Variants in CELF2 observed in about 807,000 individuals in gnomAD.
CELF2 encodes CUGBP Elav-like family member 2, also known as CUG triplet repeat RNA-binding protein 2.
In CELF2, 8 loss-of-function variants were observed where a neutral mutation model predicts 62.6. The ratio of observed to expected loss-of-function variants is 0.13; its 90% CI spans 0.07 to 0.23. The LOEUF (loss-of-function observed/expected upper bound fraction) is 0.23. Ranked by LOEUF, CELF2 falls within the 10% of genes least tolerant of loss-of-function variation. CELF2 has a pLI of 1.00. For synonymous variants in CELF2, 258 were observed against 250.0 expected (o/e 1.03, Z -0.30); for missense variants, 333 against 671.0 (o/e 0.50, Z 5.56).
chr10:10,553,299 C>T, the CELF2 span, among the ~76,000 whole-genome samples: 9 of 152,096 alleles, frequency 5.9e-5, no homozygotes, highest in African/African-American at 2.2e-4. Context: ...CAAGTCCCTC[C>T]CATGACACAT....
At chr10:11,253,710 G>C (rs956873746) in intron 4 of CELF2, among the ~76,000 whole-genome samples, 6 of 152,054 alleles carry the variant, frequency 3.9e-5, no homozygotes, top group Non-Finnish European at 8.8e-5. Context: ...GTCACCCCGT[G>C]TATTTAAAGT....
chr10:10,989,759 T>G (rs985050835), intron 2 of CELF2, among the ~76,000 whole-genome samples: 1 of 151,968 alleles, frequency 6.6e-6, no homozygotes, highest in Non-Finnish European at 1.5e-5. Flanking sequence ...TTTTTAGGAA[T>G]TAAAATACAT....
chr10:11,084,256 A>G (rs2074816221), intron 1 of CELF2, among the ~76,000 whole-genome samples: 2 of 152,232 alleles, frequency 1.3e-5, no homozygotes, highest in South Asian at 4.1e-4. Context: ...AACAAACGCA[A>G]GTGAATATGC....
chr10:10,687,442 G>C, the CELF2 span, among the ~76,000 whole-genome samples: 1,389 of 152,206 alleles, frequency 9.1e-3, 22 homozygotes, highest in African/African-American at 0.032. Flanking sequence ...TTAACCAAAA[G>C]TCATTGTAAA....
At chr10:10,762,932 C>T in the CELF2 span, among the ~76,000 whole-genome samples, 47,372 of 152,008 alleles carry the variant, frequency 0.31, 8,025 homozygotes, top group East Asian at 0.5. Flanking sequence ...GAGCAAGACT[C>T]TGTCTCTAAA....
intron 2 of CELF2, among the ~76,000 whole-genome samples, chr10:10,949,907 T>TG (rs1367475100): frequency 6.6e-6 from 1 of 151,682 alleles, no homozygotes; most frequent in Non-Finnish European, 1.5e-5. Flanking sequence ...CTGAAAACCC[T>TG]TATTTTGTCT....
chr10:10,898,439 A>C (rs1010889759), intron 1 of CELF2, among the ~76,000 whole-genome samples: 4 of 152,200 alleles, frequency 2.6e-5, no homozygotes, highest in Non-Finnish European at 4.4e-5. Flanking sequence ...CTAAGTAACT[A>C]ATACCCAAAT....
At chr10:10,777,424 A>C in the CELF2 span, among the ~76,000 whole-genome samples, 4 of 152,128 alleles carry the variant, frequency 2.6e-5, no homozygotes, top group Non-Finnish European at 5.9e-5. Flanking sequence ...ACATGTAACA[A>C]GCTGTCCGAG....
the CELF2 span, among the ~76,000 whole-genome samples, chr10:10,778,091 GAA>G: frequency 6.6e-6 from 1 of 152,158 alleles, no homozygotes; most frequent in Non-Finnish European, 1.5e-5. Flanking sequence ...CCATATTTTG[GAA>G]AGAGTCCAGT....
the CELF2 span, among the ~76,000 whole-genome samples, chr10:10,473,451 A>G: frequency 1.3e-5 from 2 of 151,990 alleles, no homozygotes; most frequent in Non-Finnish European, 2.9e-5. Context: ...TAAGCCACCC[A>G]ATTTGTGGTA....
the CELF2 span, among the ~76,000 whole-genome samples, chr10:10,560,903 A>G: frequency 6.6e-6 from 1 of 152,170 alleles, no homozygotes; most frequent in African/African-American, 2.4e-5. Flanking sequence ...ATTCTAAGGG[A>G]AGTAACTCAG....
the CELF2 span, among the ~76,000 whole-genome samples, chr10:10,692,412 C>A: frequency 6.7e-5 from 10 of 149,394 alleles, no homozygotes; most frequent in Admixed American, 2.7e-4. Context: ...GTTACTGTAG[C>A]CTTGTAGTAT....
chr10:10,882,417 G>T (rs2061496196), intron 1 of CELF2, among the ~76,000 whole-genome samples: 1 of 152,190 alleles, frequency 6.6e-6, no homozygotes, highest in Non-Finnish European at 1.5e-5. Context: ...GTCGTGACTT[G>T]ACCACAAAGG....
chr10:11,028,078 C>T (rs537901167), intron 1 of CELF2, among the ~76,000 whole-genome samples: 1 of 152,296 alleles, frequency 6.6e-6, no homozygotes, highest in East Asian at 1.9e-4. Context: ...CATTGTTGCT[C>T]CCAAGTGAAC....
chr10:10,940,816 T>G (rs10905872), intron 2 of CELF2, among the ~76,000 whole-genome samples: 52,664 of 151,964 alleles, frequency 0.35, 10,040 homozygotes, highest in East Asian at 0.74. Flanking sequence ...GCAGAGAGCT[T>G]TTCCTTCCAA....
At chr10:11,066,279 C>T (rs948400342) in intron 1 of CELF2, among the ~76,000 whole-genome samples, 1 of 152,036 alleles carries the variant, frequency 6.6e-6, no homozygotes, top group African/African-American at 2.4e-5. Context: ...TGGAACCACA[C>T]CTTTTTTTTC....
At chr10:10,622,185 G>A in the CELF2 span, among the ~76,000 whole-genome samples, 1 of 152,174 alleles carries the variant, frequency 6.6e-6, no homozygotes, top group Non-Finnish European at 1.5e-5. Flanking sequence ...AGCACCACAA[G>A]GCCTGTGCAT....
chr10:10,551,504 C>T, the CELF2 span, among the ~76,000 whole-genome samples: 19 of 152,192 alleles, frequency 1.2e-4, no homozygotes, highest in Non-Finnish European at 1.9e-4. Context: ...CCCCTCCCCC[C>T]CAGTCTCCAC....
At chr10:11,245,591 G>A (rs956286931) in intron 3 of CELF2, among the ~76,000 whole-genome samples, 14 of 152,250 alleles carry the variant, frequency 9.2e-5, no homozygotes, top group African/African-American at 3.4e-4. Flanking sequence ...AGTGGCAGTA[G>A]CTGAGTTATC....
Sources: allele counts gnomAD v4.1 joint callset (sites outside exome capture counted in the v4.1 genomes callset), GRCh38; gene constraint gnomAD v4.1.1; transcripts MANE v1.5; gene names NCBI Gene and HGNC (gene_info 2026-07-23, HGNC 2026-07-21).